Variants in NEURL1B observed in about 807,000 individuals in gnomAD.
The protein encoded by NEURL1B is neuralized E3 ubiquitin protein ligase 1B, also known as E3 ubiquitin-protein ligase NEURL1B.
A neutral mutation model predicts 37.4 loss-of-function variants in NEURL1B; 13 were observed. That is an observed-to-expected ratio of 0.35 (90% CI 0.23 to 0.55). The LOEUF (loss-of-function observed/expected upper bound fraction) is 0.55, where lower values mean the gene tolerates loss of function less well. Ranked by LOEUF, NEURL1B falls within the 20% of genes least tolerant of loss-of-function variation. NEURL1B has a pLI of 0.89. For synonymous variants in NEURL1B, 432 were observed against 426.6 expected, an observed-to-expected ratio of 1.01 and a Z score of -0.16; for missense variants, 790 against 879.2, an observed-to-expected ratio of 0.90 and a Z score of 1.28.
In NEURL1B at chr5:172,683,861, C is replaced by A. The variant is rs751634198; in HGVS notation, c.1020C>A (p.Phe340Leu). The change falls in exon 3 of 5, where the codon TTC (phenylalanine) becomes TTA (leucine). Residue 340 changes from phenylalanine to leucine, a missense_variant. Coordinates refer to ENST00000369800, the MANE Select transcript of NEURL1B (RefSeq NM_001142651.3). The surrounding 1 kb of genome is among the most constrained non-coding windows in gnomAD (Gnocchi z 5.6). ...TGGCGGCGCCCGGCGCGCTGGCCTT[C>A]GGCATCACGTCGTGCGACCCGGGCG... ...PGLAAPGALA[F>L]GITSCDPGVL... is the part of the protein sequence containing the mutation. 5.1e-6 allele frequency: 7 copies of A among 1,371,308 alleles called. No individual in the cohort carries two copies. Among genetic ancestry groups the A allele is most frequent in the Non-Finnish European group, 5.7e-6 (6 of 1,057,674 alleles). The allele number at this position is 1,371,308 out of a possible 1,614,324, so 84.9% of individuals were successfully genotyped here. A position where few individuals can be genotyped will look rare whatever the true frequency, so the allele number is the denominator to read the frequency against.
At chr5:172,663,894 G>A (rs1266057389) in intron 1 of NEURL1B, among the ~76,000 whole-genome samples, 1 of 142,364 alleles carries the variant, frequency 7.0e-6, no homozygotes, top group Non-Finnish European at 1.6e-5. Flanking sequence ...GTCTGGTCCT[G>A]GTGCCAGAAG....
chr5:172,667,416 A>C (rs1363534008), intron 1 of NEURL1B, among the ~76,000 whole-genome samples: 2 of 151,192 alleles, frequency 1.3e-5, no homozygotes, highest in Non-Finnish European at 2.9e-5. Flanking sequence ...ATTGCACTCC[A>C]GCCTGGGCAA....
chr5:172,686,949 C>T lies in NEURL1B; in HGVS notation c.*24C>T, dbSNP rs1758515562. ...AGCCTAGCCTGCCCACGGGCCTTGG[C>T]CGGTGCAAGGTCACCTTTCTGAAGG... On this transcript the variant is annotated 3_prime_UTR_variant, in exon 5 of 5. Coordinates refer to ENST00000369800, the MANE Select transcript of NEURL1B (RefSeq NM_001142651.3). This position sits in a 1 kb window ranked among gnomAD's most constrained non-coding sequence, Gnocchi z 7.9. 3.3e-6 allele frequency: 5 copies of T among 1,533,126 alleles called. No individual in the cohort carries two copies. The highest frequency in any genetic ancestry group is 2.5e-5 in the East Asian group (1 of 40,410). The allele number at this position is 1,533,126 out of a possible 1,614,324, so 95.0% of individuals were successfully genotyped here.
At position 172,665,535 on chromosome 5, in the gene NEURL1B, T is replaced by C. The variant is rs1017766572; in HGVS notation, c.32-4250T>C. Among the ~76,000 whole-genome samples the C allele has an allele frequency of 2.0e-5, 3 of 152,238 alleles. No homozygotes were observed. The highest frequency in any genetic ancestry group is 7.2e-5 in the African/African-American group (3 of 41,474). Reference sequence around the variant, plus strand: ...CCAAAAGCCCTGTAGCGGCTCCCTCTTGCCCATGCAGTGCGTTCTGAGCCT... The same window carrying C: ...CCAAAAGCCCTGTAGCGGCTCCCTCCTGCCCATGCAGTGCGTTCTGAGCCT... On this transcript the variant is annotated intron_variant, in intron 1 of 4. Coordinates refer to ENST00000369800, the MANE Select transcript of NEURL1B (RefSeq NM_001142651.3). This position sits in a 1 kb window ranked among gnomAD's most constrained non-coding sequence, Gnocchi z 4.1.
intron 1 of NEURL1B, among the ~76,000 whole-genome samples, chr5:172,648,596 G>A (rs1757602692): frequency 6.6e-6 from 1 of 152,250 alleles, no homozygotes; most frequent in African/African-American, 2.4e-5. Context: ...TCCAGCTAGA[G>A]GGAAGGAACG....
intron 1 of NEURL1B, among the ~76,000 whole-genome samples, chr5:172,663,859 T>A (rs1184312799): frequency 1.0e-4 from 5 of 50,172 alleles, no homozygotes; most frequent in African/African-American, 1.8e-4. Context: ...TATTATTATT[T>A]ACCAGTGACA....
chr5:172,673,188 T>A (rs576743995), intron 2 of NEURL1B, among the ~76,000 whole-genome samples: 1 of 152,280 alleles, frequency 6.6e-6, no homozygotes, highest in East Asian at 1.9e-4. Context: ...ATGGTTTAAG[T>A]ACAGGAGACA....
chr5:172,684,240 C>T (rs1713079809), intron 3 of NEURL1B, 102 bp downstream of exon 3: 5 of 1,012,018 alleles, frequency 4.9e-6, no homozygotes, highest in South Asian at 5.0e-5. Flanking sequence ...TCGCTAGGCG[C>T]TGCACCGCCC....
Position 172,686,747 on chromosome 5 carries a change from G to T in NEURL1B, c.1490G>T (p.Gly497Val), listed in dbSNP as rs1427977028. Residue 497 changes from glycine (G) to valine (V), a missense_variant, in exon 5 of 5, where the codon GGC becomes GTC. Coordinates refer to ENST00000369800, the MANE Select transcript of NEURL1B (RefSeq NM_001142651.3). This position sits in a 1 kb window ranked among gnomAD's most constrained non-coding sequence, Gnocchi z 7.9. ...SPVFSPPEPA[G>V]IKNGECTVCF... ...GTGTTCTCCCCACCGGAGCCGGCAG[G>T]CATCAAGAATGGCGAGTGCACGGTG... The T allele has an allele frequency of 3.2e-6, 5 of 1,551,540 alleles. No homozygotes were observed. Among genetic ancestry groups the T allele is most frequent in the African/African-American group, 2.7e-5 (2 of 73,082 alleles).
At chr5:172,656,532 G>C in intron 1 of NEURL1B, 1 of 1,609,456 alleles carries the variant, frequency 6.2e-7, no homozygotes, top group Non-Finnish European at 8.5e-7. Context: ...CTTTTTGCCA[G>C]ATTTCTTAAT....
At chr5:172,672,948 A>C (rs926344035) in intron 2 of NEURL1B, among the ~76,000 whole-genome samples, 1 of 152,348 alleles carries the variant, frequency 6.6e-6, no homozygotes, top group East Asian at 1.9e-4. Context: ...CAGAAAGAGC[A>C]ATAAGGTTAT....
At position 172,675,096 on chromosome 5, in the gene NEURL1B, C is replaced by T. The variant is rs1265293892; in HGVS notation, c.577+4766C>T. Among the ~76,000 whole-genome samples the T allele has an allele frequency of 6.6e-6, 1 of 152,108 alleles. No homozygotes were observed. On this transcript the variant is annotated intron_variant, in intron 2 of 4. Transcript: ENST00000369800. This position sits in a 1 kb window ranked among gnomAD's most constrained non-coding sequence, Gnocchi z 4.7. ...GGGTACCTGTTGGTCAGGTTGGTCT[C>T]GAACTCCTGACCTCAGGTGATCCGC...
intron 1 of NEURL1B, among the ~76,000 whole-genome samples, chr5:172,650,030 G>C (rs1011351790): frequency 1.3e-5 from 2 of 152,188 alleles, no homozygotes; most frequent in African/African-American, 2.4e-5. Flanking sequence ...AGGTGTCTTG[G>C]GCAGTATTGG....
rs1758412547 is a variant in NEURL1B at position 172,683,638 on chromosome 5, G to A, written c.797G>A (p.Arg266His). 2 of 1,229,982 alleles carry A rather than the reference G, an allele frequency of 1.6e-6. No homozygotes were observed. The highest frequency in any genetic ancestry group is 2.0e-5 in the South Asian group (1 of 50,318). 76.2% of individuals were successfully genotyped at this position (1,229,982 alleles called of 1,614,324 possible). Residue 266 changes from arginine to histidine, a missense_variant, in exon 3 of 5, where the codon CGC becomes CAC. Transcript: ENST00000369800. The surrounding 1 kb of genome is among the most constrained non-coding windows in gnomAD (Gnocchi z 5.6). ...GCCATTCCGTGCGGGCCCCGTGAGCGCCCGCGGCCCGCGTCGTCGCCGGCG... is the reference window on the plus strand; with the variant it reads ...GCCATTCCGTGCGGGCCCCGTGAGCACCCGCGGCCCGCGTCGTCGCCGGCG... ...AAAIPCGPRE[R>H]PRPASSPALL...
At position 172,690,525 on chromosome 5, in the gene NEURL1B, C is replaced by T. The variant is rs909735078; in HGVS notation, c.*3600C>T. 1 of 152,228 alleles carries T rather than the reference C, an allele frequency of 6.6e-6. No homozygotes were observed. The highest frequency in any genetic ancestry group is 2.4e-5 in the African/African-American group (1 of 41,440). 9.4% of individuals were successfully genotyped at this position (152,228 alleles called of 1,614,324 possible). On this transcript the variant is annotated 3_prime_UTR_variant, in exon 5 of 5. Coordinates refer to ENST00000369800, the MANE Select transcript of NEURL1B (RefSeq NM_001142651.3). ...TACTCCAGAAACATTTGCTGAGTAC[C>T]TAGTACGTGTGAGGTGCTGTGAGGA...
intron 1 of NEURL1B, among the ~76,000 whole-genome samples, chr5:172,663,063 T>TAA (rs1303504565): frequency 6.6e-6 from 1 of 151,472 alleles, no homozygotes; most frequent in African/African-American, 2.4e-5. Flanking sequence ...CAAATAATAA[T>TAA]AATAGCCGGG....
At chr5:172,671,568 G>A (rs114477901) in intron 2 of NEURL1B, among the ~76,000 whole-genome samples, 4,974 of 152,306 alleles carry the variant, frequency 0.033, 120 homozygotes, top group Middle Eastern at 0.058. Context: ...TTATCCATTG[G>A]TATCTGGCTT....
Position 172,686,146 on chromosome 5 carries a change from C to T in NEURL1B, c.1298-25C>T, listed in dbSNP as rs1270512026. On this transcript the variant is annotated intron_variant, in intron 3 of 4. Coordinates refer to ENST00000369800, the MANE Select transcript of NEURL1B (RefSeq NM_001142651.3). This position sits in a 1 kb window ranked among gnomAD's most constrained non-coding sequence, Gnocchi z 7.9. Reference sequence around the variant, plus strand: ...GGGCAGGTCCAACCTTCCACTGCCCCTGATGGAATCTCTTTGGGCCTCAGG... The same window carrying T: ...GGGCAGGTCCAACCTTCCACTGCCCTTGATGGAATCTCTTTGGGCCTCAGG... 6.4e-7 allele frequency: 1 copy of T among 1,550,552 alleles called. No individual in the cohort carries two copies. The highest frequency in any genetic ancestry group is 2.4e-5 in the East Asian group (1 of 40,926).
chr5:172,665,920 G>T lies in NEURL1B; in HGVS notation c.32-3865G>T, dbSNP rs375717093. Among the ~76,000 whole-genome samples the T allele has an allele frequency of 1.3e-5, 2 of 152,166 alleles. No homozygotes were observed. The highest frequency in any genetic ancestry group is 2.9e-5 in the Non-Finnish European group (2 of 68,026). Reference sequence around the variant, plus strand: ...TGTCTGCTTGACCTGGAGAGACTCAGATCTCCACGAAGGCAGGATGTGTGT... The same window carrying T: ...TGTCTGCTTGACCTGGAGAGACTCATATCTCCACGAAGGCAGGATGTGTGT... On this transcript the variant is annotated intron_variant, in intron 1 of 4. Coordinates refer to ENST00000369800, the MANE Select transcript of NEURL1B (RefSeq NM_001142651.3). The surrounding 1 kb of genome is among the most constrained non-coding windows in gnomAD (Gnocchi z 4.1).
Sources: allele counts gnomAD v4.1 joint callset (sites outside exome capture counted in the v4.1 genomes callset), GRCh38; gene constraint gnomAD v4.1.1; non-coding constraint Gnocchi (gnomAD v3.1); transcripts MANE v1.5; gene names NCBI Gene and HGNC (gene_info 2026-07-23, HGNC 2026-07-21).